The following UBR3 variants were observed in gnomAD, a reference collection of about 807,000 sequenced individuals.
UBR3 encodes ubiquitin protein ligase E3 component n-recognin 3, also known as E3 ubiquitin-protein ligase UBR3.
Under a neutral mutation model 243.2 loss-of-function variants are expected in UBR3, and 85 were observed. That is an observed-to-expected ratio of 0.35 (90% confidence interval 0.29 to 0.42). UBR3 has a LOEUF of 0.42. Ranked by LOEUF, UBR3 falls within the 10% of genes least tolerant of loss-of-function variation. The pLI is 1.00. For synonymous variants in UBR3, 748 were observed against 799.8 expected, an observed-to-expected ratio of 0.94 and a Z score of 1.09; for missense variants, 1,686 against 2,300.8, an observed-to-expected ratio of 0.73 and a Z score of 5.47.
chr2:170,015,649 T>G (rs910710072), intron 30 of UBR3, among the ~76,000 whole-genome samples: 1 of 151,930 alleles, frequency 6.6e-6, no homozygotes, highest in Non-Finnish European at 1.5e-5. Context: ...GTTCTTAAAC[T>G]TTAATTCTCT....
rs984940880 is a variant in UBR3, at chr2:170,083,924, G to A, written c.*2081G>A. 1.3e-5 allele frequency: 2 copies of A among 152,436 alleles called. No homozygotes were observed. The highest frequency in any genetic ancestry group is 2.4e-5 in the African/African-American group (1 of 41,394). 9.4% of individuals were successfully genotyped at this position (152,436 alleles called of 1,614,324 possible). ...ATAAACCCACTTTTAAAAATAACAG[G>A]TCCAAGTTAGAGTGATGTGTGTATA... On this transcript the variant is annotated 3_prime_UTR_variant, in exon 39 of 39. Coordinates refer to ENST00000272793, the MANE Select transcript of UBR3 (RefSeq NM_172070.4).
chr2:170,045,307 T>A (rs2091057136), intron 32 of UBR3, among the ~76,000 whole-genome samples: 1 of 152,154 alleles, frequency 6.6e-6, no homozygotes, highest in Non-Finnish European at 1.5e-5. Context: ...TATCTCCCAC[T>A]GGGTCCCTCC....
At chr2:169,839,126 C>T (rs2082208133) in intron 1 of UBR3, among the ~76,000 whole-genome samples, 1 of 152,168 alleles carries the variant, frequency 6.6e-6, no homozygotes, top group Admixed American at 6.5e-5. Context: ...CTTAAATGCC[C>T]ACCAATGGAA....
intron 31 of UBR3, among the ~76,000 whole-genome samples, chr2:170,035,396 C>G (rs1166475091): frequency 1.3e-5 from 2 of 152,096 alleles, no homozygotes; most frequent in East Asian, 3.9e-4. Flanking sequence ...TCCAGTTGTT[C>G]TAGCACCATT....
chr2:169,926,736 C>T lies in UBR3; in HGVS notation c.2196C>T (p.Val732=), dbSNP rs2085925325. The change falls in exon 15 of 39, where the codon GTC becomes GTT. Residue 732 remains valine, a synonymous_variant. Coordinates refer to ENST00000272793, the MANE Select transcript of UBR3 (RefSeq NM_172070.4). ...ACCCAGATTATTTTATTTCATCCGT[C>T]TTTGAAAGGTAGGCATAATTTTATT... ...RLDPDYFISS[V]FERFKVVDLL... is the part of the protein sequence containing the mutation. 1 of 1,549,908 alleles carries T rather than the reference C, an allele frequency of 6.5e-7. No individual in the cohort carries two copies. The highest frequency in any genetic ancestry group is 8.7e-7 in the Non-Finnish European group (1 of 1,146,472).
chr2:169,952,826 C>T (rs1398232328), intron 23 of UBR3, among the ~76,000 whole-genome samples: 1 of 152,052 alleles, frequency 6.6e-6, no homozygotes, highest in Non-Finnish European at 1.5e-5. Flanking sequence ...GGAGAAAGGA[C>T]ATTCAGTAAC....
At chr2:169,932,877 A>G in intron 18 of UBR3, 35 bp from the exon 19 acceptor site, 1 of 1,457,128 alleles carries the variant, frequency 6.9e-7, no homozygotes, top group Non-Finnish European at 9.4e-7. Context: ...TTTATTTCTG[A>G]GAAGTCAATG....
At position 170,083,811 on chromosome 2, in the gene UBR3, C is replaced by A. The variant is rs1201904602; in HGVS notation, c.*1968C>A. 3 of 152,544 alleles carry A rather than the reference C, an allele frequency of 2.0e-5. No homozygotes were observed. The allele number at this position is 152,544 out of a possible 1,614,324, so 9.4% of individuals were successfully genotyped here. On this transcript the variant is annotated 3_prime_UTR_variant, in exon 39 of 39. Transcript: ENST00000272793. ...GTCACCAGTAAATTTTAAAAAAGCA[C>A]TTGGTTGAAAATTGTACTTGAATAC...
Position 169,959,386 on chromosome 2 carries a change from A to C in UBR3, c.3634+860A>C, listed in dbSNP as rs534562557. 2.0e-5 allele frequency among the ~76,000 whole-genome samples: 3 copies of C among 151,966 alleles called. No individual in the cohort carries two copies. The East Asian group carries it at 5.8e-4, about 29-fold the overall frequency. ...GAAAATCTGAAAATCTGAAATCTAAAATGTACCAAAATTCAAAACTTTCTG... is the reference window on the plus strand; with the variant it reads ...GAAAATCTGAAAATCTGAAATCTAACATGTACCAAAATTCAAAACTTTCTG... On this transcript the variant is annotated intron_variant, in intron 24 of 38. Coordinates refer to ENST00000272793, the MANE Select transcript of UBR3 (RefSeq NM_172070.4).
intron 1 of UBR3, among the ~76,000 whole-genome samples, chr2:169,858,283 G>A (rs2082960924): frequency 6.6e-6 from 1 of 152,200 alleles, no homozygotes; most frequent in Non-Finnish European, 1.5e-5. Flanking sequence ...TTCTAACCAT[G>A]TGGGCTTATC....
intron 35 of UBR3, among the ~76,000 whole-genome samples, chr2:170,064,504 AT>A (rs1193253123): frequency 6.6e-6 from 1 of 151,838 alleles, no homozygotes; most frequent in Non-Finnish European, 1.5e-5. Flanking sequence ...TCACATTTAG[AT>A]TTTTAATTCA....
chr2:169,909,088 G>T (rs2085143295), intron 10 of UBR3, among the ~76,000 whole-genome samples: 1 of 152,168 alleles, frequency 6.6e-6, no homozygotes, highest in Non-Finnish European at 1.5e-5. Flanking sequence ...CTCCCAAAGT[G>T]CTGGGATTAC....
chr2:169,992,951 G>A (rs2105393273), intron 25 of UBR3, among the ~76,000 whole-genome samples: 1 of 149,780 alleles, frequency 6.7e-6, no homozygotes, highest in Admixed American at 6.7e-5. Context: ...ATTAGAGATG[G>A]GGTTTTGTCA....
At chr2:169,962,174 TG>T (rs2105369903) in intron 24 of UBR3, among the ~76,000 whole-genome samples, 1 of 152,244 alleles carries the variant, frequency 6.6e-6, no homozygotes, top group East Asian at 1.9e-4. Context: ...AACAGTCGTG[TG>T]AGTGAGCTTG....
intron 11 of UBR3, among the ~76,000 whole-genome samples, chr2:169,915,230 G>A (rs550179874): frequency 7.2e-6 from 1 of 138,004 alleles, no homozygotes; most frequent in Admixed American, 7.6e-5. Flanking sequence ...TTGCATTTTA[G>A]GACAGTGACT....
intron 35 of UBR3, among the ~76,000 whole-genome samples, chr2:170,071,243 CAT>C (rs780868422): frequency 1.8e-4 from 28 of 152,252 alleles, no homozygotes; most frequent in African/African-American, 4.1e-4. Flanking sequence ...GAAATGAAAA[CAT>C]ATGTCTACAT....
At chr2:170,027,315 A>G (rs550153478) in intron 30 of UBR3, among the ~76,000 whole-genome samples, 27 of 151,530 alleles carry the variant, frequency 1.8e-4, no homozygotes, top group African/African-American at 5.8e-4. Flanking sequence ...TTTAAATATC[A>G]TTTAAAGATG....
chr2:169,908,651 G>A (rs563229345), intron 10 of UBR3, among the ~76,000 whole-genome samples: 2 of 152,222 alleles, frequency 1.3e-5, no homozygotes, highest in African/African-American at 2.4e-5. Context: ...ATAACAGGTT[G>A]TTATGAGGGA....
At chr2:169,856,797 G>C (rs913638524) in intron 1 of UBR3, among the ~76,000 whole-genome samples, 5 of 151,038 alleles carry the variant, frequency 3.3e-5, no homozygotes, top group East Asian at 3.9e-4. Flanking sequence ...GTCCAGCCTC[G>C]GCTTGGCATC....
Sources: allele counts gnomAD v4.1 joint callset (sites outside exome capture counted in the v4.1 genomes callset), GRCh38; gene constraint gnomAD v4.1.1; transcripts MANE v1.5; gene names NCBI Gene and HGNC (gene_info 2026-07-23, HGNC 2026-07-21).